Variants in CNTNAP2 observed in about 807,000 individuals in gnomAD.
The protein encoded by CNTNAP2 is contactin associated protein 2.
In CNTNAP2, 98 loss-of-function variants were observed where a neutral mutation model predicts 155.2. That is an observed-to-expected ratio of 0.63 (90% confidence interval 0.54 to 0.75). The LOEUF (loss-of-function observed/expected upper bound fraction) is 0.75. Among genes scored for constraint, CNTNAP2 ranks in the 30% least tolerant of loss-of-function variants. CNTNAP2 has a pLI of 0.00. For missense variants in CNTNAP2, 1,727 were observed against 1,688.1 expected (o/e 1.02, Z -0.40); for synonymous variants, 651 against 631.2 (o/e 1.03, Z -0.47).
intron 12 of CNTNAP2, among the ~76,000 whole-genome samples, chr7:147,563,565 G>T (rs907044177): frequency 2.0e-5 from 3 of 151,938 alleles, no homozygotes; most frequent in Non-Finnish European, 4.4e-5. Context: ...GGAGGAGGAG[G>T]TTGTAGTGAG....
At chr7:146,849,566 G>A (rs1304165631) in intron 3 of CNTNAP2, among the ~76,000 whole-genome samples, 1 of 152,152 alleles carries the variant, frequency 6.6e-6, no homozygotes, top group Non-Finnish European at 1.5e-5. Context: ...CTCGTGGTGT[G>A]TATTTAACTA....
chr7:147,178,432 C>T (rs984792349), intron 8 of CNTNAP2, among the ~76,000 whole-genome samples: 14 of 152,162 alleles, frequency 9.2e-5, no homozygotes, highest in African/African-American at 3.4e-4. Flanking sequence ...GTAGTCCTGC[C>T]AACACTGGGT....
chr7:148,054,137 T>C (rs1266332199), intron 15 of CNTNAP2, among the ~76,000 whole-genome samples: 1 of 152,088 alleles, frequency 6.6e-6, no homozygotes, highest in Non-Finnish European at 1.5e-5. Flanking sequence ...CACACCCGGC[T>C]AATTTTTTGT....
chr7:146,175,691 T>C (rs1011197412), intron 1 of CNTNAP2, among the ~76,000 whole-genome samples: 12 of 152,254 alleles, frequency 7.9e-5, no homozygotes, highest in Non-Finnish European at 1.8e-4. Flanking sequence ...ATTCGATTTA[T>C]ATGAATAAAT....
At chr7:147,351,573 C>T (rs1343517669) in intron 9 of CNTNAP2, among the ~76,000 whole-genome samples, 1 of 151,754 alleles carries the variant, frequency 6.6e-6, no homozygotes, top group Non-Finnish European at 1.5e-5. Flanking sequence ...CTGTAATTAA[C>T]ATTTCTCTAG....
chr7:148,328,976 GAAAAAAAAAAAAA>G lies in CNTNAP2; in HGVS notation c.3476-54661_3476-54649del, dbSNP rs71188969. Among the ~76,000 whole-genome samples the G allele has an allele frequency of 5.2e-4, 36 of 69,254 alleles. 1 individual carries two copies. The East Asian group carries it at 0.023, about 43-fold the overall frequency. The allele number at this position is 69,254 out of a possible 152,430, so 45.4% of individuals were successfully genotyped here. ...AAGCGACAGAGCAAGACTCTGTCTG[GAAAAAAAAAAAAA>G]AAAAAAAAAAAGGCCCAAACCATCC... On this transcript the variant is annotated intron_variant, in intron 21 of 23. Coordinates refer to ENST00000361727, the MANE Select transcript of CNTNAP2 (RefSeq NM_014141.6).
rs1352404202 is a variant in CNTNAP2, at chr7:148,417,568, A to C, written c.*1952A>C. Reference sequence around the variant, plus strand: ...TATCACTAAATATCAGAACAATGTAACATTTACAAATGACATATTGAAAGC... The same window carrying C: ...TATCACTAAATATCAGAACAATGTACCATTTACAAATGACATATTGAAAGC... On this transcript the variant is annotated 3_prime_UTR_variant, in exon 24 of 24. Transcript: ENST00000361727. 1.3e-5 allele frequency: 2 copies of C among 152,336 alleles called. No individual in the cohort carries two copies. Among genetic ancestry groups the C allele is most frequent in the Admixed American group, 6.5e-5 (1 of 15,276 alleles). 9.4% of individuals were successfully genotyped at this position (152,336 alleles called of 1,614,324 possible).
intron 1 of CNTNAP2, among the ~76,000 whole-genome samples, chr7:146,432,075 A>G (rs1166379821): frequency 6.6e-6 from 1 of 152,116 alleles, no homozygotes; most frequent in East Asian, 1.9e-4. Context: ...TGTTATAAAA[A>G]GTAATGACAG....
chr7:148,099,868 G>GTTTTTTTTTTTTT (rs751537152), intron 15 of CNTNAP2, among the ~76,000 whole-genome samples: 7 of 88,806 alleles, frequency 7.9e-5, no homozygotes, highest in East Asian at 4.0e-4. Flanking sequence ...TTTTTTTTTG[G>GTTTTTTTTTTTTT]TTTTTTTTTT....
At chr7:147,447,979 T>G (rs1286430917) in intron 10 of CNTNAP2, among the ~76,000 whole-genome samples, 2 of 152,132 alleles carry the variant, frequency 1.3e-5, no homozygotes, top group Non-Finnish European at 2.9e-5. Context: ...AATTATTGTG[T>G]TGGAGGCCCT....
chr7:147,066,857 A>G (rs577692278), intron 4 of CNTNAP2, among the ~76,000 whole-genome samples: 2 of 152,310 alleles, frequency 1.3e-5, no homozygotes, highest in East Asian at 3.9e-4. Flanking sequence ...TATTTCTTAT[A>G]GTTTTGGGGA....
chr7:147,118,542 G>C (rs927512194), intron 5 of CNTNAP2, among the ~76,000 whole-genome samples: 6 of 151,186 alleles, frequency 4.0e-5, no homozygotes, highest in Non-Finnish European at 1.5e-5. Flanking sequence ...CTTTAAAATG[G>C]GGATGCGTTC....
At chr7:148,127,305 T>TA (rs1482283114) in intron 16 of CNTNAP2, among the ~76,000 whole-genome samples, 1 of 151,944 alleles carries the variant, frequency 6.6e-6, no homozygotes, top group African/African-American at 2.4e-5. Context: ...AATAAATAAA[T>TA]AAGATTTTAG....
chr7:147,851,363 G>A (rs1399615492), intron 13 of CNTNAP2, among the ~76,000 whole-genome samples: 2 of 152,190 alleles, frequency 1.3e-5, no homozygotes, highest in African/African-American at 4.8e-5. Flanking sequence ...AGACAGTGTG[G>A]TGATTCCTCA....
rs955670668 is a variant in CNTNAP2 at position 148,118,047 on chromosome 7, A to G, written c.2384-71A>G. On this transcript the variant is annotated intron_variant, in intron 15 of 23. Coordinates refer to ENST00000361727, the MANE Select transcript of CNTNAP2 (RefSeq NM_014141.6). ...TAATGGTACTTATTAAACTCAAGCA[A>G]TGGGTATCTGTTACATGACTAGGCT... The G allele has an allele frequency of 7.9e-6, 12 of 1,515,402 alleles. No individual in the cohort carries two copies. In the Admixed American group the frequency reaches 8.4e-5, roughly 11 times the overall value. The allele number at this position is 1,515,402 out of a possible 1,614,324, so 93.9% of individuals were successfully genotyped here.
intron 3 of CNTNAP2, among the ~76,000 whole-genome samples, chr7:146,958,407 G>GTTTTTTTTT (rs71165054): frequency 1.3e-4 from 10 of 78,032 alleles, no homozygotes; most frequent in Non-Finnish European, 1.6e-4. Context: ...CATTTTTATG[G>GTTTTTTTTT]TTTTTTTTTT....
At chr7:146,440,567 T>C (rs1796306789) in intron 1 of CNTNAP2, among the ~76,000 whole-genome samples, 1 of 151,554 alleles carries the variant, frequency 6.6e-6, no homozygotes, top group South Asian at 2.1e-4. Flanking sequence ...CTGGTTATGC[T>C]GTCTGTGTGT....
At chr7:146,821,534 A>G (rs1803283064) in intron 2 of CNTNAP2, among the ~76,000 whole-genome samples, 1 of 152,180 alleles carries the variant, frequency 6.6e-6, no homozygotes, top group Non-Finnish European at 1.5e-5. Flanking sequence ...GTGAACAGGC[A>G]ACCTACGAAA....
chr7:147,767,238 A>G (rs1251912934), intron 13 of CNTNAP2, among the ~76,000 whole-genome samples: 1 of 152,050 alleles, frequency 6.6e-6, no homozygotes, highest in East Asian at 1.9e-4. Flanking sequence ...TCACTGTACT[A>G]CCTAAAAGCA....
Sources: gnomAD v4.1 joint callset for allele counts (sites outside exome capture counted in the v4.1 genomes callset) on GRCh38, gnomAD v4.1.1 for gene constraint, MANE v1.5 for transcripts, NCBI Gene and HGNC (gene_info 2026-07-23, HGNC 2026-07-21) for gene names.